ZNF385D: variants seen among roughly 807,000 people sequenced by gnomAD.
ZNF385D encodes zinc finger protein 385D, also known as zinc finger protein 659.
In ZNF385D, 15 loss-of-function variants were observed where a neutral mutation model predicts 35.8. That is an observed-to-expected ratio of 0.42 (90% CI 0.28 to 0.64). The LOEUF is 0.64. ZNF385D is among the 30% of genes least tolerant of loss of function. The pLI, the probability that ZNF385D is intolerant of heterozygous loss-of-function variation, is 0.23. For missense variants in ZNF385D, 474 were observed against 494.6 expected, an observed-to-expected ratio of 0.96 and a Z score of 0.39; for synonymous variants, 212 against 186.8, an observed-to-expected ratio of 1.13 and a Z score of -1.10.
At chr3:21,814,264 A>G (rs558998222) in intron 3 of ZNF385D, among the ~76,000 whole-genome samples, 22 of 152,330 alleles carry the variant, frequency 1.4e-4, no homozygotes, top group African/African-American at 4.8e-4. Context: ...TGTAAAGACC[A>G]TCGATGTTAG....
At chr3:21,476,034 T>C (rs1352698956) in intron 4 of ZNF385D, among the ~76,000 whole-genome samples, 1 of 152,148 alleles carries the variant, frequency 6.6e-6, no homozygotes, top group Non-Finnish European at 1.5e-5. Context: ...GATTAGGAGA[T>C]AGAGCACAGT....
At chr3:21,585,058 GTT>G (rs138503322) in intron 2 of ZNF385D, among the ~76,000 whole-genome samples, 135,740 of 152,000 alleles carry the variant, frequency 0.89, 60,777 homozygotes, top group African/African-American at 0.96. Flanking sequence ...CTTTGTGCCA[GTT>G]TTTGAAATAT....
intron 2 of ZNF385D, among the ~76,000 whole-genome samples, chr3:22,257,965 A>C (rs566941912): frequency 2.0e-5 from 3 of 151,868 alleles, no homozygotes; most frequent in Non-Finnish European, 4.4e-5. Flanking sequence ...ATCTTTTAAC[A>C]AGTTGAGATT....
intron 1 of ZNF385D, among the ~76,000 whole-genome samples, chr3:21,738,112 G>C (rs1349827287): frequency 6.6e-6 from 1 of 152,236 alleles, no homozygotes; most frequent in Non-Finnish European, 1.5e-5. Context: ...CTGCCAGGGG[G>C]CTGCTTGGCT....
At chr3:21,433,857 A>G (rs1455142124) in intron 5 of ZNF385D, among the ~76,000 whole-genome samples, 2 of 152,284 alleles carry the variant, frequency 1.3e-5, no homozygotes, top group South Asian at 2.1e-4. Context: ...GATTTTTATT[A>G]CTTATCTTGT....
At chr3:22,263,399 T>C (rs1299625199) in intron 2 of ZNF385D, among the ~76,000 whole-genome samples, 1 of 152,060 alleles carries the variant, frequency 6.6e-6, no homozygotes, top group Non-Finnish European at 1.5e-5. Flanking sequence ...AACTTTTTTT[T>C]CCTTTATGTC....
chr3:21,657,467 A>G (rs1049062546), intron 2 of ZNF385D, among the ~76,000 whole-genome samples: 4 of 151,968 alleles, frequency 2.6e-5, no homozygotes, highest in African/African-American at 9.7e-5. Flanking sequence ...ACATGCTTAG[A>G]TATCTGCTTC....
chr3:21,528,414 A>G (rs1214952821), intron 3 of ZNF385D, among the ~76,000 whole-genome samples: 1 of 152,166 alleles, frequency 6.6e-6, no homozygotes. Flanking sequence ...AATAAGTGCC[A>G]GTGAACAGGA....
At chr3:22,243,872 T>A (rs202056821) in intron 2 of ZNF385D, among the ~76,000 whole-genome samples, 1 of 150,832 alleles carries the variant, frequency 6.6e-6, no homozygotes, top group Non-Finnish European at 1.5e-5. Flanking sequence ...TGGTATTCAA[T>A]TGACAGCTGG....
At chr3:22,341,033 T>A (rs145202618) in intron 2 of ZNF385D, among the ~76,000 whole-genome samples, 1 of 152,302 alleles carries the variant, frequency 6.6e-6, no homozygotes, top group East Asian at 1.9e-4. Flanking sequence ...GCAAGCAAGG[T>A]CTTTCAAAAC....
chr3:22,240,201 A>AAAAAG (rs374166678), intron 2 of ZNF385D, among the ~76,000 whole-genome samples: 46,039 of 120,622 alleles, frequency 0.38, 11,009 homozygotes, highest in East Asian at 0.74. Context: ...AAAAAAAAAA[A>AAAAAG]AAGATTTCAG....
chr3:21,701,954 T>G (rs1049913662), intron 1 of ZNF385D, among the ~76,000 whole-genome samples: 3 of 152,144 alleles, frequency 2.0e-5, no homozygotes, highest in Non-Finnish European at 2.9e-5. Context: ...TTGGCTACTT[T>G]CATGGGCTGG....
chr3:22,148,778 G>C (rs7650689), intron 3 of ZNF385D, among the ~76,000 whole-genome samples: 3,708 of 152,196 alleles, frequency 0.024, 158 homozygotes, highest in African/African-American at 0.085. Context: ...GTAATTAATG[G>C]AAAATGACCT....
intron 4 of ZNF385D, among the ~76,000 whole-genome samples, chr3:21,494,011 C>A (rs1283983370): frequency 6.6e-6 from 1 of 151,866 alleles, no homozygotes; most frequent in Non-Finnish European, 1.5e-5. Flanking sequence ...TTTTGTTATT[C>A]CAGAGAATTC....
chr3:21,840,823 T>A (rs2670275), intron 3 of ZNF385D, among the ~76,000 whole-genome samples: 88,986 of 151,914 alleles, frequency 0.59, 26,280 homozygotes, highest in Middle Eastern at 0.69. Flanking sequence ...CTACATATAC[T>A]TATTATATTG....
chr3:22,039,570 C>T (rs149969124), intron 3 of ZNF385D, among the ~76,000 whole-genome samples: 1,800 of 152,142 alleles, frequency 0.012, 43 homozygotes, highest in African/African-American at 0.041. Context: ...TTACTTTGAA[C>T]TGTATAAAAA....
At chr3:21,588,394 A>C (rs916359505) in intron 2 of ZNF385D, among the ~76,000 whole-genome samples, 12 of 152,146 alleles carry the variant, frequency 7.9e-5, no homozygotes, top group African/African-American at 2.9e-4. Flanking sequence ...TTATTTACAA[A>C]TTCATATTTT....
At position 21,941,839 on chromosome 3, in the gene ZNF385D, T is replaced by A. The variant is rs574273911; in HGVS notation, c.325+226978A>T. ...ATGGCCCACCTCATTCTACAATTAA[T>A]TTGAGGCAACTAAATCTTTAAGCTC... On this transcript the variant is annotated intron_variant, in intron 3 of 5. Coordinates refer to the ZNF385D transcript ENST00000494108. Among the ~76,000 whole-genome samples, 10 of 152,174 alleles carry A rather than the reference T, an allele frequency of 6.6e-5. No homozygotes were observed. The South Asian group carries it at 1.9e-3, about 28-fold the overall frequency.
At chr3:21,807,809 C>A (rs2072721618) in intron 3 of ZNF385D, among the ~76,000 whole-genome samples, 1 of 152,096 alleles carries the variant, frequency 6.6e-6, no homozygotes, top group Non-Finnish European at 1.5e-5. Flanking sequence ...TTTGAAAAGG[C>A]CCCACTTTTG....
Sources: allele counts gnomAD v4.1 joint callset (sites outside exome capture counted in the v4.1 genomes callset), GRCh38; gene constraint gnomAD v4.1.1; transcripts MANE v1.5; gene names NCBI Gene and HGNC (gene_info 2026-07-23, HGNC 2026-07-21).